Variants in DACH2 observed in about 807,000 individuals in gnomAD.
DACH2 encodes dachshund family transcription factor 2.
Under a neutral mutation model 35.8 loss-of-function variants are expected in DACH2, and 17 were observed. The observed-to-expected ratio is 0.48, with a 90% CI of 0.33 to 0.71. DACH2 has a LOEUF of 0.71. DACH2 is among the 30% of genes least tolerant of loss of function. The pLI, the probability that DACH2 is intolerant of heterozygous loss-of-function variation, is 0.02. For synonymous variants in DACH2, 195 were observed against 177.3 expected (o/e 1.10, Z -0.79); for missense variants, 469 against 472.7 (o/e 0.99, Z 0.07).
At chrX:86,361,532 T>A (rs2035739588) in intron 1 of DACH2, among the ~76,000 whole-genome samples, 1 of 111,438 alleles carries the variant, frequency 9.0e-6, no homozygotes, top group Non-Finnish European at 1.9e-5. Context: ...TATTTCTCCA[T>A]AAAATAAGGT....
At chrX:86,590,754 C>T (rs1453663947) in intron 3 of DACH2, among the ~76,000 whole-genome samples, 5 of 111,568 alleles carry the variant, frequency 4.5e-5, no homozygotes, top group African/African-American at 1.6e-4. Flanking sequence ...GGATTTTAGC[C>T]ATTCTAATAG....
At chrX:86,697,478 A>G (rs2041080873) in intron 5 of DACH2, among the ~76,000 whole-genome samples, 1 of 111,614 alleles carries the variant, frequency 9.0e-6, no homozygotes, top group Non-Finnish European at 1.9e-5. Flanking sequence ...ACGAAAAAAA[A>G]TGCAAACATA....
At chrX:86,282,176 A>G (rs2034042872) in intron 1 of DACH2, among the ~76,000 whole-genome samples, 1 of 111,988 alleles carries the variant, frequency 8.9e-6, no homozygotes, top group Admixed American at 9.5e-5. Flanking sequence ...GAACCAAAAA[A>G]AAGAGCTCAT....
chrX:86,334,157 G>C (rs1185743091), intron 1 of DACH2, among the ~76,000 whole-genome samples: 3 of 112,023 alleles, frequency 2.7e-5, no homozygotes, highest in Non-Finnish European at 3.8e-5. Flanking sequence ...GTCTATCATT[G>C]ATGGGCATTT....
At chrX:86,578,668 T>C (rs1431942469) in intron 3 of DACH2, among the ~76,000 whole-genome samples, 2 of 111,921 alleles carry the variant, frequency 1.8e-5, no homozygotes, top group Non-Finnish European at 3.8e-5. Flanking sequence ...CTTTCACCTA[T>C]TGAAGGACAT....
chrX:86,779,191 T>C (rs1217421053), intron 7 of DACH2, among the ~76,000 whole-genome samples: 2 of 111,934 alleles, frequency 1.8e-5, no homozygotes, highest in Non-Finnish European at 3.8e-5. Flanking sequence ...AGAGGGATGG[T>C]CTGTGTTAGT....
chrX:86,331,968 A>T (rs1444153567), intron 1 of DACH2, among the ~76,000 whole-genome samples: 1 of 111,809 alleles, frequency 8.9e-6, no homozygotes, highest in African/African-American at 3.2e-5. Context: ...TCAGTTTGAA[A>T]AGATTTTTCA....
chrX:86,286,748 A>G (rs745554236), intron 1 of DACH2, among the ~76,000 whole-genome samples: 367 of 49,897 alleles, frequency 7.4e-3, no homozygotes, highest in African/African-American at 0.015. Flanking sequence ...GCAAAAAGGA[A>G]ACAACAATAA....
At chrX:86,360,089 G>A (rs2035714273) in intron 1 of DACH2, among the ~76,000 whole-genome samples, 1 of 110,314 alleles carries the variant, frequency 9.1e-6, no homozygotes, top group Non-Finnish European at 1.9e-5. Flanking sequence ...CTCCCTAGGT[G>A]GCCTGGACTA....
chrX:86,326,488 T>TAC (rs1348429592), intron 1 of DACH2, among the ~76,000 whole-genome samples: 71 of 83,516 alleles, frequency 8.5e-4, no homozygotes, highest in African/African-American at 2.6e-3. Context: ...AAATTATACA[T>TAC]ACACACACAC....
At chrX:86,569,573 AT>A (rs1426552571) in intron 3 of DACH2, among the ~76,000 whole-genome samples, 1 of 111,278 alleles carries the variant, frequency 9.0e-6, no homozygotes, top group African/African-American at 3.3e-5. Context: ...TAAACTCGGC[AT>A]TTTGAAAGTC....
At chrX:86,385,889 G>A (rs181131932) in intron 2 of DACH2, among the ~76,000 whole-genome samples, 21 of 111,210 alleles carry the variant, frequency 1.9e-4, no homozygotes, top group African/African-American at 6.5e-4. Context: ...TTTATTTTTA[G>A]GACAGTTTTA....
intron 7 of DACH2, among the ~76,000 whole-genome samples, chrX:86,761,752 T>C (rs1350858456): frequency 9.0e-6 from 1 of 111,287 alleles, no homozygotes; most frequent in Non-Finnish European, 1.9e-5. Context: ...TGTGGCGAAC[T>C]TTTTCTGAAG....
At chrX:86,373,362 T>A in intron 1 of DACH2, among the ~76,000 whole-genome samples, 1 of 111,298 alleles carries the variant, frequency 9.0e-6, no homozygotes, top group Non-Finnish European at 1.9e-5. Flanking sequence ...TACAGAAAGA[T>A]CACTGGCTTA....
At chrX:86,230,895 G>A (rs939319106) in intron 1 of DACH2, among the ~76,000 whole-genome samples, 28 of 111,635 alleles carry the variant, frequency 2.5e-4, no homozygotes, top group African/African-American at 7.8e-4. Context: ...GGTTAATCTT[G>A]CAAATGATAT....
At chrX:86,546,505 T>C (rs2038975739) in intron 3 of DACH2, among the ~76,000 whole-genome samples, 1 of 55,703 alleles carries the variant, frequency 1.8e-5, no homozygotes, top group African/African-American at 1.1e-4. Context: ...TCTTCTTTCT[T>C]TTTTTTTTTT....
chrX:86,226,954 C>G (rs971616784), intron 1 of DACH2, among the ~76,000 whole-genome samples: 2 of 110,625 alleles, frequency 1.8e-5, no homozygotes, highest in South Asian at 7.5e-4. Context: ...ATAAAAATAC[C>G]TTATTTTTTG....
intron 5 of DACH2, among the ~76,000 whole-genome samples, chrX:86,697,083 C>T (rs2041075876): frequency 9.0e-6 from 1 of 111,595 alleles, no homozygotes; most frequent in South Asian, 3.7e-4. Context: ...AGCCTCCTGT[C>T]TCACCTAAGG....
chrX:86,227,712 A>T lies in DACH2; in HGVS notation c.488+78604A>T, dbSNP rs767983856. Reference sequence around the variant, plus strand: ...TCTTTTCCCTTCTATTTCCTGTCCTATGCTATTCTTCTTTTAAAAAAAATG... The same window carrying T: ...TCTTTTCCCTTCTATTTCCTGTCCTTTGCTATTCTTCTTTTAAAAAAAATG... On this transcript the variant is annotated intron_variant, in intron 1 of 11. Transcript: ENST00000373125. Among the ~76,000 whole-genome samples the T allele has an allele frequency of 4.7e-5, 5 of 107,140 alleles. No individual in the cohort carries two copies. The South Asian group carries it at 1.2e-3, about 26-fold the overall frequency. 93.0% of individuals were successfully genotyped at this position (107,140 alleles called of 115,157 possible).
Sources: allele counts gnomAD v4.1 joint callset (sites outside exome capture counted in the v4.1 genomes callset), GRCh38; gene constraint gnomAD v4.1.1; transcripts MANE v1.5; gene names NCBI Gene and HGNC (gene_info 2026-07-23, HGNC 2026-07-21).